Variants in ABCA10 observed in about 807,000 individuals in gnomAD.
The protein encoded by ABCA10 is ATP binding cassette subfamily A member 10.
In ABCA10, 169 loss-of-function variants were observed where a neutral mutation model predicts 187.5. The observed-to-expected ratio is 0.90, with a 90% CI of 0.80 to 1.02. ABCA10 has a LOEUF of 1.02. ABCA10 is among the 50% of genes least tolerant of loss of function. The probability of loss-of-function intolerance (pLI) is 0.00; values close to 1 mark genes in which losing one functional copy is unlikely to be tolerated. For synonymous variants in ABCA10, 574 were observed against 601.8 expected, an observed-to-expected ratio of 0.95 and a Z score of 0.68; for missense variants, 1,727 against 1,812.4, an observed-to-expected ratio of 0.95 and a Z score of 0.86.
intron 5 of ABCA10, among the ~76,000 whole-genome samples, chr17:69,220,038 C>G (rs1397598195): frequency 6.6e-6 from 1 of 152,184 alleles, no homozygotes; most frequent in Non-Finnish European, 1.5e-5. Context: ...AAACACTCTT[C>G]ATTCTCATAG....
intron 36 of ABCA10, among the ~76,000 whole-genome samples, chr17:69,151,717 G>T: frequency 6.6e-6 from 1 of 152,122 alleles, no homozygotes; most frequent in South Asian, 2.1e-4. Context: ...TGAAAGCATT[G>T]TTTTCATTGT....
intron 19 of ABCA10, 73 bp downstream of exon 19, chr17:69,187,608 A>G: frequency 2.8e-6 from 4 of 1,408,142 alleles, no homozygotes; most frequent in Admixed American, 4.3e-5. Context: ...ATAAATTAAT[A>G]TATTTACTTT....
chr17:69,194,509 A>G lies in ABCA10; in HGVS notation c.1235-14T>C. The G allele has an allele frequency of 6.3e-7, 1 of 1,577,132 alleles. No individual in the cohort carries two copies. Among genetic ancestry groups the G allele is most frequent in the East Asian group, 2.3e-5 (1 of 44,428 alleles). On this transcript the variant is annotated splice_polypyrimidine_tract_variant and intron_variant, in intron 11 of 38. Transcript: ENST00000690296. ...CAAAAAATATGCCTGTTTTAGAATA[A>G]AAAGTGGAAATTAGATTTTGGATTA...
At chr17:69,167,480 G>T (rs2074261959) in intron 25 of ABCA10, among the ~76,000 whole-genome samples, 1 of 152,198 alleles carries the variant, frequency 6.6e-6, no homozygotes, top group African/African-American at 2.4e-5. Context: ...TGACTTCACA[G>T]GATTTACAAT....
intron 25 of ABCA10, among the ~76,000 whole-genome samples, chr17:69,165,863 G>A: frequency 6.6e-6 from 1 of 151,998 alleles, no homozygotes; most frequent in Non-Finnish European, 1.5e-5. Flanking sequence ...TATCATGAAT[G>A]CATAAAATAT....
intron 9 of ABCA10, among the ~76,000 whole-genome samples, chr17:69,209,917 G>A (rs568000389): frequency 6.6e-6 from 1 of 151,894 alleles, no homozygotes; most frequent in Non-Finnish European, 1.5e-5. Context: ...TAAAAATATG[G>A]GATTATGATC....
chr17:69,207,042 T>G (rs1324287863), intron 9 of ABCA10, among the ~76,000 whole-genome samples: 1 of 151,912 alleles, frequency 6.6e-6, no homozygotes, highest in Non-Finnish European at 1.5e-5. Flanking sequence ...GCAAACTCAA[T>G]AGTAAGAAAA....
chr17:69,230,236 T>C (rs1315140439), upstream of ABCA10, among the ~76,000 whole-genome samples: 2 of 152,092 alleles, frequency 1.3e-5, no homozygotes, highest in African/African-American at 4.8e-5. Flanking sequence ...CTTCCAGAAC[T>C]GTGAGAAATA....
At chr17:69,150,866 G>C (rs963912958) in intron 36 of ABCA10, among the ~76,000 whole-genome samples, 3 of 152,120 alleles carry the variant, frequency 2.0e-5, no homozygotes, top group African/African-American at 4.8e-5. Flanking sequence ...GGCCAATGCT[G>C]TTCTAGATAC....
rs1212166334 is a variant in ABCA10 at position 69,187,756 on chromosome 17, CAG to C, written c.2253_2254del (p.Trp752GlufsTer18). Reference sequence around the variant, plus strand: ...TGCCACTGCATAGATTTGTCGTCTCCAGAGAGCTGCACTACTGACAGCCTTTC... The same window carrying C: ...TGCCACTGCATAGATTTGTCGTCTCCAGAGCTGCACTACTGACAGCCTTTC... On this transcript the variant is annotated frameshift_variant, in exon 19 of 39. Transcript: ENST00000690296. 1 of 1,613,930 alleles carries C rather than the reference CAG, an allele frequency of 6.2e-7. No individual in the cohort carries two copies. The highest frequency in any genetic ancestry group is 8.5e-7 in the Non-Finnish European group (1 of 1,179,820).
intron 11 of ABCA10, among the ~76,000 whole-genome samples, chr17:69,196,086 A>G (rs918743124): frequency 1.3e-5 from 2 of 152,164 alleles, no homozygotes; most frequent in Non-Finnish European, 2.9e-5. Context: ...CACCTCCCAG[A>G]GCGGGTGGCG....
intron 27 of ABCA10, among the ~76,000 whole-genome samples, chr17:69,159,977 T>C (rs1399062594): frequency 1.3e-5 from 2 of 152,022 alleles, no homozygotes; most frequent in African/African-American, 2.4e-5. Flanking sequence ...CCTTATATTA[T>C]ACACAAAATT....
chr17:69,206,209 G>T (rs540155024), intron 9 of ABCA10, among the ~76,000 whole-genome samples: 1 of 152,222 alleles, frequency 6.6e-6, no homozygotes, highest in South Asian at 2.1e-4. Flanking sequence ...AAATGACACA[G>T]AAAATGTGAT....
chr17:69,212,265 T>C (rs2074666684), intron 9 of ABCA10, among the ~76,000 whole-genome samples: 1 of 152,200 alleles, frequency 6.6e-6, no homozygotes, highest in African/African-American at 2.4e-5. Context: ...GGTTATTTAA[T>C]TTCTGTGTGT....
intron 11 of ABCA10, chr17:69,196,279 T>G (rs183678173): frequency 0.016 from 2,615 of 166,590 alleles, 68 homozygotes; most frequent in African/African-American, 0.061. Context: ...GCAGAGGGGC[T>G]CCTCACTTCT....
intron 1 of ABCA10, chr17:69,234,391 ATTCT>A (rs1200349891): frequency 6.6e-6 from 1 of 152,242 alleles, no homozygotes; most frequent in Non-Finnish European, 1.5e-5. Flanking sequence ...AGTGTACATG[ATTCT>A]TTCTGGACTC....
chr17:69,185,375 C>A, intron 20 of ABCA10, 102 bp downstream of exon 20: 1 of 1,202,854 alleles, frequency 8.3e-7, no homozygotes, highest in Non-Finnish European at 1.1e-6. Context: ...ATGGAGCAAG[C>A]TGGATAGACA....
intron 11 of ABCA10, chr17:69,196,571 G>A (rs968626233): frequency 5.1e-5 from 9 of 177,668 alleles, no homozygotes; most frequent in Non-Finnish European, 1.1e-4. Flanking sequence ...CCAGACGATG[G>A]GCAGCCAGGC....
intron 9 of ABCA10, among the ~76,000 whole-genome samples, chr17:69,203,929 T>C (rs753813230): frequency 6.6e-6 from 1 of 152,180 alleles, no homozygotes; most frequent in Non-Finnish European, 1.5e-5. Flanking sequence ...ATTGAAGAAT[T>C]AAGGTATATA....
Sources: gnomAD v4.1 joint callset for allele counts (sites outside exome capture counted in the v4.1 genomes callset) on GRCh38, gnomAD v4.1.1 for gene constraint, MANE v1.5 for transcripts, NCBI Gene and HGNC (gene_info 2026-07-23, HGNC 2026-07-21) for gene names.